The following PDE10A variants were observed in gnomAD, a reference collection of about 807,000 sequenced individuals.
PDE10A encodes the protein cAMP and cAMP-inhibited cGMP 3',5'-cyclic phosphodiesterase 10A.
PDE10A carries 39 observed loss-of-function variants against 97.7 expected under a neutral mutation model. That is an observed-to-expected ratio of 0.40 (90% CI 0.31 to 0.52). The LOEUF (loss-of-function observed/expected upper bound fraction) is 0.52, where lower values mean the gene tolerates loss of function less well. Ranked by LOEUF, PDE10A falls within the 20% of genes least tolerant of loss-of-function variation. The pLI is 0.56. For missense variants in PDE10A, 731 were observed against 1,047.8 expected (o/e 0.70, Z 4.17); for synonymous variants, 371 against 376.8 (o/e 0.98, Z 0.18).
chr6:165,717,476 C>T (rs1792052825), intron 1 of PDE10A, among the ~76,000 whole-genome samples: 1 of 151,772 alleles, frequency 6.6e-6, no homozygotes, highest in Non-Finnish European at 1.5e-5. Context: ...CCAAGCTACT[C>T]GGGAAGCGGA....
chr6:165,631,115 T>C (rs942161988), intron 1 of PDE10A, among the ~76,000 whole-genome samples: 1 of 152,232 alleles, frequency 6.6e-6, no homozygotes. Context: ...AACTTAACCA[T>C]GTGGCATTTT....
At position 165,582,297 on chromosome 6, in the gene PDE10A, G is replaced by A. The variant is rs537558831; in HGVS notation, c.866-38729C>T. 4.6e-5 allele frequency among the ~76,000 whole-genome samples: 7 copies of A among 152,194 alleles called. No homozygotes were observed. In the South Asian group the frequency reaches 1.5e-3, roughly 32 times the overall value. ...ACTATGGAGCTTAATGAGGTAAGTGGAAATACAGGGCCCAAAAATCAAAAG... is the reference window on the plus strand; with the variant it reads ...ACTATGGAGCTTAATGAGGTAAGTGAAAATACAGGGCCCAAAAATCAAAAG... On this transcript the variant is annotated intron_variant, in intron 1 of 21. Coordinates refer to ENST00000539869, the MANE Select transcript of PDE10A (RefSeq NM_001385079.1).
chr6:165,841,413 G>A (rs1381321031), intron 1 of PDE10A, among the ~76,000 whole-genome samples: 5 of 152,226 alleles, frequency 3.3e-5, no homozygotes, highest in East Asian at 1.9e-4. Flanking sequence ...GCTTCTTGGT[G>A]TGGATGTTGC....
intron 1 of PDE10A, among the ~76,000 whole-genome samples, chr6:165,785,906 A>G (rs1778479403): frequency 6.6e-6 from 1 of 152,244 alleles, no homozygotes; most frequent in Admixed American, 6.5e-5. Context: ...GATAGAGTTC[A>G]GAACAAGTAT....
intron 2 of PDE10A, among the ~76,000 whole-genome samples, chr6:165,488,029 C>CA (rs58319021): frequency 0.11 from 9,404 of 82,978 alleles, 676 homozygotes; most frequent in Non-Finnish European, 0.17. Flanking sequence ...AACAAATTGG[C>CA]AAAAAAAAAA....
chr6:165,595,698 G>A (rs1786544922), intron 1 of PDE10A, among the ~76,000 whole-genome samples: 1 of 152,162 alleles, frequency 6.6e-6, no homozygotes, highest in South Asian at 2.1e-4. Flanking sequence ...TCACATTTCT[G>A]AAGGCTGGAA....
At chr6:165,425,881 G>A (rs1789113938) in intron 10 of PDE10A, among the ~76,000 whole-genome samples, 1 of 149,280 alleles carries the variant, frequency 6.7e-6, no homozygotes, top group Non-Finnish European at 1.5e-5. Context: ...ACATAATCAA[G>A]GTATAAAAAC....
At chr6:165,520,703 A>T (rs556340677) in intron 2 of PDE10A, among the ~76,000 whole-genome samples, 1 of 152,318 alleles carries the variant, frequency 6.6e-6, no homozygotes, top group East Asian at 1.9e-4. Flanking sequence ...CTGTCGGTCA[A>T]TTACTGAATT....
At chr6:165,953,014 G>C (rs1353157346) in intron 1 of PDE10A, among the ~76,000 whole-genome samples, 1 of 152,162 alleles carries the variant, frequency 6.6e-6, no homozygotes, top group Non-Finnish European at 1.5e-5. Context: ...GTGAAGCAGG[G>C]AGACTCATAA....
At chr6:165,611,904 T>C (rs1787511654) in intron 1 of PDE10A, among the ~76,000 whole-genome samples, 2 of 152,240 alleles carry the variant, frequency 1.3e-5, no homozygotes, top group Admixed American at 1.3e-4. Context: ...TCATCAGTAA[T>C]AACCTCAAAC....
chr6:165,983,376 T>A (rs2128504457), intron 1 of PDE10A, among the ~76,000 whole-genome samples: 1 of 152,260 alleles, frequency 6.6e-6, no homozygotes, highest in African/African-American at 2.4e-5. Flanking sequence ...CACTTAGCAG[T>A]TGTGGCCAGA....
chr6:165,340,930 A>C (rs1403356799), intron 19 of PDE10A, among the ~76,000 whole-genome samples: 1 of 152,202 alleles, frequency 6.6e-6, no homozygotes, highest in African/African-American at 2.4e-5. Context: ...TATCATCCCT[A>C]TCTCATAAAC....
chr6:165,686,308 G>C (rs1217099921), intron 1 of PDE10A, among the ~76,000 whole-genome samples: 1 of 152,130 alleles, frequency 6.6e-6, no homozygotes, highest in African/African-American at 2.4e-5. Context: ...GGAATTGTGG[G>C]TGCCCAGGAA....
intron 3 of PDE10A, among the ~76,000 whole-genome samples, chr6:165,467,168 G>T (rs576407824): frequency 6.6e-6 from 1 of 152,280 alleles, no homozygotes. Context: ...GCTAGTAGAG[G>T]TTACTTCATG....
At chr6:165,760,005 C>G (rs1793213444) in intron 1 of PDE10A, among the ~76,000 whole-genome samples, 1 of 152,174 alleles carries the variant, frequency 6.6e-6, no homozygotes, top group South Asian at 2.1e-4. Flanking sequence ...AATCAATGTA[C>G]TGAACCAGTG....
intron 1 of PDE10A, among the ~76,000 whole-genome samples, chr6:165,676,178 G>A (rs1359959909): frequency 6.6e-6 from 1 of 152,152 alleles, no homozygotes; most frequent in Non-Finnish European, 1.5e-5. Context: ...GCTGAAAAAT[G>A]TGTACACATG....
At chr6:165,685,754 T>G (rs775455709) in intron 1 of PDE10A, among the ~76,000 whole-genome samples, 2 of 152,140 alleles carry the variant, frequency 1.3e-5, no homozygotes, top group Non-Finnish European at 2.9e-5. Context: ...GCAAAATATA[T>G]CCATGTCCTT....
chr6:165,716,225 A>T (rs1018824730), intron 1 of PDE10A, among the ~76,000 whole-genome samples: 1 of 152,168 alleles, frequency 6.6e-6, no homozygotes, highest in African/African-American at 2.4e-5. Flanking sequence ...AAAATTCACA[A>T]ATTATTGACT....
intron 13 of PDE10A, among the ~76,000 whole-genome samples, chr6:165,402,006 A>G (rs1293606306): frequency 1.3e-5 from 2 of 152,138 alleles, no homozygotes; most frequent in Non-Finnish European, 2.9e-5. Flanking sequence ...ATACAGTGCA[A>G]TTCTATGGTA....
Sources: allele counts gnomAD v4.1 joint callset (sites outside exome capture counted in the v4.1 genomes callset), GRCh38; gene constraint gnomAD v4.1.1; transcripts MANE v1.5; gene names NCBI Gene and HGNC (gene_info 2026-07-23, HGNC 2026-07-21).